FHIT: variants seen among roughly 807,000 people sequenced by gnomAD.
FHIT encodes bis(5'-adenosyl)-triphosphatase.
A neutral mutation model predicts 17.9 loss-of-function variants in FHIT; 19 were observed. The observed-to-expected ratio is 1.06, with a 90% CI of 0.74 to 1.56. The LOEUF (loss-of-function observed/expected upper bound fraction) is 1.56. Among genes scored for constraint, FHIT ranks in the 40% most tolerant of loss-of-function variants. FHIT has a pLI of 0.00. For missense variants in FHIT, 248 were observed against 189.2 expected (o/e 1.31, Z -1.82); for synonymous variants, 81 against 69.7 (o/e 1.16, Z -0.81).
intron 5 of FHIT, among the ~76,000 whole-genome samples, chr3:60,275,935 T>C (rs913249225): frequency 2.0e-5 from 3 of 152,160 alleles, no homozygotes; most frequent in African/African-American, 7.2e-5. Flanking sequence ...ATTGCTCTCC[T>C]TCAAGCTGAC....
intron 4 of FHIT, among the ~76,000 whole-genome samples, chr3:60,643,834 A>T (rs1411093708): frequency 2.0e-5 from 3 of 152,240 alleles, no homozygotes; most frequent in Non-Finnish European, 2.9e-5. Flanking sequence ...TATCATCATT[A>T]GAATCATCTG....
intron 4 of FHIT, among the ~76,000 whole-genome samples, chr3:60,548,414 T>G (rs1350636): frequency 2.6e-5 from 4 of 151,890 alleles, no homozygotes; most frequent in Admixed American, 2.0e-4. Context: ...TTTGAGAGCA[T>G]GAGGGCCTTC....
chr3:61,153,513 C>CT (rs2037453763), intron 2 of FHIT, among the ~76,000 whole-genome samples: 2 of 152,196 alleles, frequency 1.3e-5, no homozygotes, highest in Admixed American at 1.3e-4. Context: ...TGCTAAACAT[C>CT]TAATGTCTTG....
chr3:60,979,638 G>C (rs1417515891), intron 3 of FHIT, among the ~76,000 whole-genome samples: 1 of 152,150 alleles, frequency 6.6e-6, no homozygotes, highest in Non-Finnish European at 1.5e-5. Context: ...CTTCTGTTTA[G>C]ATGACACTAA....
intron 5 of FHIT, among the ~76,000 whole-genome samples, chr3:60,331,221 C>T (rs376497624): frequency 1.3e-5 from 2 of 152,302 alleles, no homozygotes; most frequent in East Asian, 3.9e-4. Context: ...CCTTTCTTTA[C>T]TCATCCATCA....
intron 5 of FHIT, among the ~76,000 whole-genome samples, chr3:60,130,994 CATAT>C (rs1386144852): frequency 9.4e-6 from 1 of 106,610 alleles, no homozygotes; most frequent in Admixed American, 1.0e-4. Flanking sequence ...CATATATACA[CATAT>C]ATACATATGT....
At chr3:61,120,056 G>A (rs1488362628) in intron 2 of FHIT, among the ~76,000 whole-genome samples, 1 of 152,156 alleles carries the variant, frequency 6.6e-6, no homozygotes, top group African/African-American at 2.4e-5. Context: ...AGTTACAAGA[G>A]ATAATTAAAT....
At chr3:60,580,238 A>G (rs188928299) in intron 4 of FHIT, among the ~76,000 whole-genome samples, 1 of 152,272 alleles carries the variant, frequency 6.6e-6, no homozygotes, top group African/African-American at 2.4e-5. Flanking sequence ...TTTTTGTGGA[A>G]TGTTGTCTAA....
intron 3 of FHIT, among the ~76,000 whole-genome samples, chr3:60,837,462 T>G (rs551380942): frequency 2.5e-4 from 38 of 152,276 alleles, no homozygotes; most frequent in African/African-American, 8.9e-4. Flanking sequence ...TGATACATCT[T>G]TTCCCATTAT....
intron 4 of FHIT, among the ~76,000 whole-genome samples, chr3:60,791,397 A>T (rs1262068145): frequency 1.3e-5 from 2 of 152,342 alleles, no homozygotes; most frequent in Non-Finnish European, 2.9e-5. Flanking sequence ...TCCCTCAGCT[A>T]CTTAATAAAC....
At chr3:60,474,354 G>A (rs536315633) in intron 5 of FHIT, among the ~76,000 whole-genome samples, 1 of 152,110 alleles carries the variant, frequency 6.6e-6, no homozygotes, top group Admixed American at 6.5e-5. Flanking sequence ...TAAATCAACT[G>A]AATATAGCAA....
intron 3 of FHIT, among the ~76,000 whole-genome samples, chr3:60,920,332 T>G (rs1553768049): frequency 6.6e-6 from 1 of 152,156 alleles, no homozygotes; most frequent in Non-Finnish European, 1.5e-5. Flanking sequence ...AAATTATCAA[T>G]TTAAATTGCA....
intron 4 of FHIT, among the ~76,000 whole-genome samples, chr3:60,601,123 A>C (rs913750065): frequency 6.6e-6 from 1 of 152,206 alleles, no homozygotes; most frequent in African/African-American, 2.4e-5. Flanking sequence ...CAAAGACTGC[A>C]ACAATGCTGG....
At chr3:60,769,593 G>T (rs1699972115) in intron 4 of FHIT, among the ~76,000 whole-genome samples, 1 of 152,174 alleles carries the variant, frequency 6.6e-6, no homozygotes, top group Non-Finnish European at 1.5e-5. Flanking sequence ...GGTGCCTCAT[G>T]GTCAGAACAA....
intron 2 of FHIT, among the ~76,000 whole-genome samples, chr3:61,159,897 G>A (rs1301292284): frequency 6.6e-6 from 1 of 152,174 alleles, no homozygotes; most frequent in Non-Finnish European, 1.5e-5. Flanking sequence ...GGATGCCTAT[G>A]TGCACATGCC....
At chr3:61,052,526 G>A (rs11130816) in intron 2 of FHIT, among the ~76,000 whole-genome samples, 24,102 of 152,136 alleles carry the variant, frequency 0.16, 2,110 homozygotes, top group African/African-American at 0.2. Flanking sequence ...CCCACCTGCA[G>A]TCTAGCGCAG....
At chr3:60,710,427 A>T (rs1281116692) in intron 4 of FHIT, among the ~76,000 whole-genome samples, 3 of 152,156 alleles carry the variant, frequency 2.0e-5, no homozygotes, top group Non-Finnish European at 4.4e-5. Flanking sequence ...GGCGCAGGAG[A>T]GTGGGTGCAG....
chr3:59,794,825 A>G (rs1044788874), intron 8 of FHIT, among the ~76,000 whole-genome samples: 2 of 152,226 alleles, frequency 1.3e-5, no homozygotes, highest in African/African-American at 4.8e-5. Context: ...TCCAAAGTTC[A>G]GTCACATTTG....
At chr3:60,909,206 T>TA (rs1706590408) in intron 3 of FHIT, among the ~76,000 whole-genome samples, 1 of 151,844 alleles carries the variant, frequency 6.6e-6, no homozygotes, top group Admixed American at 6.6e-5. Context: ...CCGTCTCTAC[T>TA]AAAAATGCAA....
Sources: allele counts gnomAD v4.1 joint callset (sites outside exome capture counted in the v4.1 genomes callset), GRCh38; gene constraint gnomAD v4.1.1; transcripts MANE v1.5; gene names NCBI Gene and HGNC (gene_info 2026-07-23, HGNC 2026-07-21).